DBX2: variants seen among roughly 807,000 people sequenced by gnomAD.
DBX2 encodes the protein homeobox protein DBX2.
A neutral mutation model predicts 17.7 loss-of-function variants in DBX2; 16 were observed. The ratio of observed to expected loss-of-function variants is 0.90; its 90% CI spans 0.61 to 1.37. The LOEUF (loss-of-function observed/expected upper bound fraction) is 1.37. Ranked by LOEUF, DBX2 falls within the 40% of genes most tolerant of loss-of-function variation. The pLI is 0.00. For synonymous variants in DBX2, 255 were observed against 183.8 expected (o/e 1.39, Z -3.13); for missense variants, 538 against 433.8 (o/e 1.24, Z -2.13).
At chr12:45,039,501 A>G (rs1277338317) in intron 1 of DBX2, among the ~76,000 whole-genome samples, 1 of 151,680 alleles carries the variant, frequency 6.6e-6, no homozygotes, top group African/African-American at 2.4e-5. Context: ...GATAAAATGC[A>G]TTTCAAACCC....
At chr12:45,042,000 C>T (rs1272422345) in intron 1 of DBX2, among the ~76,000 whole-genome samples, 1 of 152,186 alleles carries the variant, frequency 6.6e-6, no homozygotes, top group Non-Finnish European at 1.5e-5. Context: ...TGGTTCTCAA[C>T]CCTGAATACA....
intron 2 of DBX2, among the ~76,000 whole-genome samples, chr12:45,027,717 T>C (rs924828666): frequency 6.6e-6 from 1 of 152,242 alleles, no homozygotes; most frequent in Non-Finnish European, 1.5e-5. Context: ...TATTGCATTG[T>C]AGCATTCTGG....
intron 2 of DBX2, among the ~76,000 whole-genome samples, chr12:45,035,664 GCA>G (rs1169231456): frequency 6.6e-6 from 1 of 152,152 alleles, no homozygotes; most frequent in East Asian, 1.9e-4. Context: ...ATTTTACACA[GCA>G]CAATTTTTCG....
At chr12:45,047,262 A>C (rs1946505240) in intron 1 of DBX2, among the ~76,000 whole-genome samples, 1 of 152,140 alleles carries the variant, frequency 6.6e-6, no homozygotes, top group Non-Finnish European at 1.5e-5. Flanking sequence ...GAAACTTCTG[A>C]GGAAGGATGT....
chr12:45,038,184 T>C (rs1332229930), intron 1 of DBX2, among the ~76,000 whole-genome samples: 1 of 151,944 alleles, frequency 6.6e-6, no homozygotes, highest in Non-Finnish European at 1.5e-5. Context: ...AAAAGTTGCC[T>C]AATTATGTTT....
intron 2 of DBX2, among the ~76,000 whole-genome samples, chr12:45,025,378 C>A (rs796145256): frequency 1.3e-5 from 2 of 152,128 alleles, no homozygotes; most frequent in South Asian, 2.1e-4. Flanking sequence ...AGAGCCTACA[C>A]AAAGAACACA....
At chr12:45,042,999 C>G (rs1946479913) in intron 1 of DBX2, among the ~76,000 whole-genome samples, 1 of 152,168 alleles carries the variant, frequency 6.6e-6, no homozygotes, top group South Asian at 2.1e-4. Context: ...ATTCCTTGCT[C>G]TTTTTATTAT....
rs960277353 is a variant in DBX2 at position 45,033,016 on chromosome 12, G to C, written c.499+3003C>G. On this transcript the variant is annotated intron_variant, in intron 2 of 3. Coordinates refer to ENST00000332700, the MANE Select transcript of DBX2 (RefSeq NM_001004329.3). ...CACTGCTTTGGGTGAGGGAAGAACT[G>C]TTACCACTGCCTTTTAATTTTTCCC... 7.2e-5 allele frequency among the ~76,000 whole-genome samples: 11 copies of C among 152,276 alleles called. No individual in the cohort carries two copies. In the South Asian group the frequency reaches 1.4e-3, roughly 20 times the overall value.
chr12:45,028,549 T>C (rs1592753245), intron 2 of DBX2, among the ~76,000 whole-genome samples: 1 of 152,164 alleles, frequency 6.6e-6, no homozygotes, highest in East Asian at 1.9e-4. Flanking sequence ...TAGCAACCCA[T>C]AGGTTTTCCT....
chr12:45,030,709 A>G (rs954448438), intron 2 of DBX2, among the ~76,000 whole-genome samples: 13 of 152,196 alleles, frequency 8.5e-5, no homozygotes, highest in Admixed American at 8.5e-4. Context: ...TTCCATATTA[A>G]AAACTAATTC....
chr12:45,050,865 C>T lies in DBX2; in HGVS notation c.63G>A (p.Ala21=), dbSNP rs764653856. The T allele has an allele frequency of 4.6e-6, 7 of 1,535,388 alleles. No individual in the cohort carries two copies. Among genetic ancestry groups the T allele is most frequent in the Admixed American group, 4.2e-5 (2 of 47,752 alleles). The change falls in exon 1 of 4, where the codon GCG becomes GCA. Residue 21 remains alanine (A), a synonymous_variant. Transcript: ENST00000332700. The part of the protein sequence containing the change: ...GAYWDVVASS[A]LLNLPAAPGF... The stretch of plus-strand genomic sequence containing the variant: ...CGGGCGCAGCGGGGAGGTTGAGGAG[C>T]GCGGAGGAAGCCACAACGTCCCAGT...
At position 45,026,616 on chromosome 12, in the gene DBX2, T is replaced by C. The variant is rs556766967; in HGVS notation, c.500-2722A>G. Among the ~76,000 whole-genome samples, 3 of 152,324 alleles carry C rather than the reference T, an allele frequency of 2.0e-5. No individual in the cohort carries two copies. The East Asian group carries it at 5.8e-4, about 29-fold the overall frequency. On this transcript the variant is annotated intron_variant, in intron 2 of 3. Coordinates refer to ENST00000332700, the MANE Select transcript of DBX2 (RefSeq NM_001004329.3). The stretch of plus-strand genomic sequence containing the variant: ...TGATTTGTATTTTAGAAGGAAAAAG[T>C]CAACAAATCTTGGCTTCTACAATGT...
intron 2 of DBX2, among the ~76,000 whole-genome samples, chr12:45,032,304 G>T (rs1210903754): frequency 6.6e-6 from 1 of 151,890 alleles, no homozygotes; most frequent in Non-Finnish European, 1.5e-5. Flanking sequence ...TTTTATATTA[G>T]AAAAAAAATT....
chr12:45,027,651 T>A (rs891629217), intron 2 of DBX2, among the ~76,000 whole-genome samples: 2 of 152,200 alleles, frequency 1.3e-5, no homozygotes, highest in East Asian at 1.9e-4. Context: ...TGTTCACAAC[T>A]AAGCAAAAAT....
At chr12:45,035,788 T>C (rs1946436851) in intron 2 of DBX2, among the ~76,000 whole-genome samples, 1 of 152,144 alleles carries the variant, frequency 6.6e-6, no homozygotes, top group Non-Finnish European at 1.5e-5. Flanking sequence ...CAAGTTGCTT[T>C]CGGTGATGTG....
chr12:45,017,911 T>C (rs1946331849), intron 3 of DBX2, among the ~76,000 whole-genome samples: 2 of 152,184 alleles, frequency 1.3e-5, no homozygotes, highest in African/African-American at 4.8e-5. Flanking sequence ...TATTATAGCA[T>C]ATCAACCAAG....
chr12:45,048,604 T>C (rs1946512598), intron 1 of DBX2, among the ~76,000 whole-genome samples: 1 of 152,212 alleles, frequency 6.6e-6, no homozygotes, highest in Non-Finnish European at 1.5e-5. Flanking sequence ...TTCAGAAAAC[T>C]ACATTCTTTA....
chr12:45,032,387 T>G (rs2137025101), intron 2 of DBX2, among the ~76,000 whole-genome samples: 1 of 152,290 alleles, frequency 6.6e-6, no homozygotes, highest in South Asian at 2.1e-4. Context: ...ATTTTGTAGA[T>G]TTCCACAAAT....
In DBX2 at chr12:45,050,701, A is replaced by C; in HGVS notation, c.227T>G (p.Leu76Arg). 1 of 1,523,760 alleles carries C rather than the reference A, an allele frequency of 6.6e-7. No individual in the cohort carries two copies. The highest frequency in any genetic ancestry group is 8.8e-7 in the Non-Finnish European group (1 of 1,136,320). The allele number at this position is 1,523,760 out of a possible 1,614,324, so 94.4% of individuals were successfully genotyped here. Reference protein sequence around the residue: ...LATAGAQLRPLPASPVPLKLC... With the variant: ...LATAGAQLRPRPASPVPLKLC... ...CTTTAGGGGAACTGGGCTAGCAGGC[A>C]GGGGCCGGAGCTGCGCGCCCGCGGT... The change falls in exon 1 of 4, where the codon CTG (leucine) becomes CGG (arginine). Residue 76 changes from leucine (L) to arginine (R), a missense_variant. Coordinates refer to ENST00000332700, the MANE Select transcript of DBX2 (RefSeq NM_001004329.3).
Sources: gnomAD v4.1 joint callset for allele counts (sites outside exome capture counted in the v4.1 genomes callset) on GRCh38, gnomAD v4.1.1 for gene constraint, MANE v1.5 for transcripts, NCBI Gene and HGNC (gene_info 2026-07-23, HGNC 2026-07-21) for gene names.